The following LCLAT1 variants were observed in gnomAD, a reference collection of about 807,000 sequenced individuals.
The protein encoded by LCLAT1 is lysocardiolipin acyltransferase 1, also known as 1-AGP acyltransferase 8.
Under a neutral mutation model 30.7 loss-of-function variants are expected in LCLAT1, and 11 were observed. The ratio of observed to expected loss-of-function variants is 0.36; its 90% CI spans 0.23 to 0.59. The LOEUF is 0.59. Ranked by LOEUF, LCLAT1 falls within the 20% of genes least tolerant of loss-of-function variation. The pLI, the probability that LCLAT1 is intolerant of heterozygous loss-of-function variation, is 0.77. For synonymous variants in LCLAT1, 155 were observed against 151.3 expected, an observed-to-expected ratio of 1.02 and a Z score of -0.18; for missense variants, 402 against 458.6, an observed-to-expected ratio of 0.88 and a Z score of 1.13.
intron 5 of LCLAT1, among the ~76,000 whole-genome samples, chr2:30,581,564 C>T (rs566598744): frequency 6.6e-6 from 1 of 151,970 alleles, no homozygotes; most frequent in African/African-American, 2.4e-5. Context: ...TATACAATGG[C>T]GTTCTATTCA....
intron 1 of LCLAT1, among the ~76,000 whole-genome samples, chr2:30,519,524 T>A (rs1197590897): frequency 2.0e-5 from 3 of 152,280 alleles, no homozygotes; most frequent in Middle Eastern, 3.4e-3. Flanking sequence ...CTAGCTGGAT[T>A]TCCTAGGCCG....
intron 1 of LCLAT1, among the ~76,000 whole-genome samples, chr2:30,508,169 T>TG (rs1684766561): frequency 6.6e-6 from 1 of 152,202 alleles, no homozygotes; most frequent in Admixed American, 6.5e-5. Flanking sequence ...TTTTTATAGA[T>TG]GCTGGATATT....
chr2:30,505,227 A>C (rs1278341368), intron 1 of LCLAT1, among the ~76,000 whole-genome samples: 1 of 152,008 alleles, frequency 6.6e-6, no homozygotes, highest in East Asian at 1.9e-4. Flanking sequence ...AGCAATACCT[A>C]CTTATCAGTT....
intron 1 of LCLAT1, among the ~76,000 whole-genome samples, chr2:30,517,464 C>T (rs1189073627): frequency 6.6e-6 from 1 of 152,224 alleles, no homozygotes; most frequent in Non-Finnish European, 1.5e-5. Context: ...CCCCCAATTT[C>T]TACCCAGCTT....
chr2:30,490,893 G>T (rs1034459996), intron 1 of LCLAT1, among the ~76,000 whole-genome samples: 20 of 152,154 alleles, frequency 1.3e-4, no homozygotes, highest in African/African-American at 4.8e-4. Flanking sequence ...TGTGTTGTAA[G>T]TATAAAATAC....
chr2:30,632,689 C>G (rs532051437), intron 5 of LCLAT1, among the ~76,000 whole-genome samples: 2 of 152,214 alleles, frequency 1.3e-5, no homozygotes, highest in African/African-American at 2.4e-5. Context: ...CAACACTTCT[C>G]TAAGCACTGT....
chr2:30,599,228 C>G (rs910913308), intron 5 of LCLAT1, among the ~76,000 whole-genome samples: 2 of 152,150 alleles, frequency 1.3e-5, no homozygotes, highest in Non-Finnish European at 2.9e-5. Flanking sequence ...GTGATCCGCC[C>G]ACCTCAGCCT....
chr2:30,603,646 T>C (rs1016288623), intron 5 of LCLAT1, among the ~76,000 whole-genome samples: 4 of 152,042 alleles, frequency 2.6e-5, no homozygotes, highest in Non-Finnish European at 4.4e-5. Context: ...AAAAGGGTGA[T>C]AGAGAATTTA....
chr2:30,503,434 A>G (rs575305800), intron 1 of LCLAT1, among the ~76,000 whole-genome samples: 4 of 152,262 alleles, frequency 2.6e-5, no homozygotes, highest in African/African-American at 7.2e-5. Flanking sequence ...TTGTAACTCT[A>G]TGTTTAACAT....
At chr2:30,577,328 T>C (rs1666039057) in intron 5 of LCLAT1, among the ~76,000 whole-genome samples, 1 of 152,194 alleles carries the variant, frequency 6.6e-6, no homozygotes, top group African/African-American at 2.4e-5. Flanking sequence ...AATGAAGTTA[T>C]GTAGGAGAGT....
intron 1 of LCLAT1, among the ~76,000 whole-genome samples, chr2:30,497,965 G>C (rs1422933622): frequency 6.6e-6 from 1 of 152,162 alleles, no homozygotes; most frequent in Non-Finnish European, 1.5e-5. Context: ...TCAGGATTTG[G>C]AGTTAAATGG....
At chr2:30,462,142 AC>A in intron 1 of LCLAT1, among the ~76,000 whole-genome samples, 1 of 152,140 alleles carries the variant, frequency 6.6e-6, no homozygotes, top group South Asian at 2.1e-4. Flanking sequence ...GTAGGATAAA[AC>A]CCATTATTTG....
At chr2:30,468,916 T>A (rs1330782985) in intron 1 of LCLAT1, among the ~76,000 whole-genome samples, 1 of 152,246 alleles carries the variant, frequency 6.6e-6, no homozygotes, top group African/African-American at 2.4e-5. Context: ...CCAATGCTTG[T>A]TATTTTCCAT....
rs1304110361 is a variant in LCLAT1, at chr2:30,473,178, TAGAC to T, written c.-5+25798_-5+25801del. ...ATATATGTATGACAGTTACATATGT[TAGAC>T]AGTTATATGTGTCTAACTGTATTAC... is the stretch of plus-strand genomic sequence containing the variant. On this transcript the variant is annotated intron_variant, in intron 1 of 5. Transcript: ENST00000379509. Among the ~76,000 whole-genome samples the T allele has an allele frequency of 2.0e-5, 3 of 152,308 alleles. No individual in the cohort carries two copies. The East Asian group carries it at 5.8e-4, about 29-fold the overall frequency.
At chr2:30,490,146 A>C (rs530734419) in intron 1 of LCLAT1, among the ~76,000 whole-genome samples, 38 of 151,470 alleles carry the variant, frequency 2.5e-4, no homozygotes, top group African/African-American at 9.2e-4. Flanking sequence ...CCAAGCTAGG[A>C]TTCAAACTTG....
At chr2:30,542,866 C>T (rs1476055520) in intron 3 of LCLAT1, among the ~76,000 whole-genome samples, 3 of 150,808 alleles carry the variant, frequency 2.0e-5, no homozygotes, top group African/African-American at 7.3e-5. Context: ...ATTCTACATG[C>T]TTTGTGGGTT....
chr2:30,487,427 AT>A (rs1683613321), intron 1 of LCLAT1, among the ~76,000 whole-genome samples: 1 of 152,222 alleles, frequency 6.6e-6, no homozygotes, highest in Admixed American at 6.5e-5. Context: ...TAGGGCAGCC[AT>A]TTCCTTCTTT....
chr2:30,509,968 A>C (rs967796889), intron 1 of LCLAT1, among the ~76,000 whole-genome samples: 1 of 152,206 alleles, frequency 6.6e-6, no homozygotes, highest in Non-Finnish European at 1.5e-5. Context: ...CAAGAAGCCA[A>C]GTACAGATTA....
chr2:30,527,032 C>G (rs1685753875), intron 2 of LCLAT1, among the ~76,000 whole-genome samples: 2 of 152,076 alleles, frequency 1.3e-5, no homozygotes, highest in African/African-American at 4.8e-5. Flanking sequence ...TCTCTATTTA[C>G]AAGGTGGGTA....
Sources: gnomAD v4.1 joint callset for allele counts (sites outside exome capture counted in the v4.1 genomes callset) on GRCh38, gnomAD v4.1.1 for gene constraint, MANE v1.5 for transcripts, NCBI Gene and HGNC (gene_info 2026-07-23, HGNC 2026-07-21) for gene names.